The following UTS2 variants were observed in gnomAD, a reference collection of about 807,000 sequenced individuals.
UTS2 encodes the protein urotensin 2, also known as urotensin-2.
UTS2 carries 10 observed loss-of-function variants against 12.6 expected under a neutral mutation model. That is an observed-to-expected ratio of 0.80 (90% CI 0.49 to 1.35). UTS2 has a LOEUF of 1.35. Among genes scored for constraint, UTS2 ranks in the 40% most tolerant of loss-of-function variants. The probability of loss-of-function intolerance (pLI) is 0.00; values close to 1 mark genes in which losing one functional copy is unlikely to be tolerated. For synonymous variants in UTS2, 52 were observed against 50.0 expected (o/e 1.04, Z -0.17); for missense variants, 142 against 143.2 (o/e 0.99, Z 0.04).
chr1:7,849,948 A>G (rs1257477206), intron 2 of UTS2, among the ~76,000 whole-genome samples: 1 of 150,388 alleles, frequency 6.6e-6, no homozygotes, highest in Non-Finnish European at 1.5e-5. Flanking sequence ...CTATTAAACA[A>G]TACCTATCTT....
chr1:7,912,948 C>A, the UTS2 span, among the ~76,000 whole-genome samples: 1 of 151,758 alleles, frequency 6.6e-6, no homozygotes, highest in African/African-American at 2.4e-5. Flanking sequence ...CCCCTGGTTC[C>A]CCACTTCCTA....
chr1:7,899,578 C>G, the UTS2 span, among the ~76,000 whole-genome samples: 1 of 152,136 alleles, frequency 6.6e-6, no homozygotes, highest in Non-Finnish European at 1.5e-5. Context: ...GTGATCATGA[C>G]TCACTGCAGC....
At chr1:7,870,673 G>T in the UTS2 span, among the ~76,000 whole-genome samples, 1 of 152,202 alleles carries the variant, frequency 6.6e-6, no homozygotes, top group African/African-American at 2.4e-5. Flanking sequence ...AAGGCCTTTT[G>T]CTTACCAAAG....
At chr1:7,847,907 A>G (rs1389584475) in intron 3 of UTS2, 25 bp from the exon 4 acceptor site, 3 of 1,508,774 alleles carry the variant, frequency 2.0e-6, no homozygotes, top group Admixed American at 1.9e-5. Context: ...ACGAACAACA[A>G]CAACAAAAAA....
At chr1:7,908,150 T>G in the UTS2 span, among the ~76,000 whole-genome samples, 6 of 151,600 alleles carry the variant, frequency 4.0e-5, no homozygotes, top group African/African-American at 1.2e-4. Flanking sequence ...AATAGAAAAA[T>G]TAGTCAGGCA....
At chr1:7,866,476 A>C in the UTS2 span, among the ~76,000 whole-genome samples, 5 of 152,098 alleles carry the variant, frequency 3.3e-5, no homozygotes, top group South Asian at 2.1e-4. This position sits in a 1 kb window ranked among gnomAD's most constrained non-coding sequence, Gnocchi z 4.5. Context: ...GCCCTCTCAT[A>C]ATCTAATTTC....
chr1:7,897,328 A>T, the UTS2 span, among the ~76,000 whole-genome samples: 12,945 of 152,156 alleles, frequency 0.085, 1,812 homozygotes, highest in African/African-American at 0.29. Flanking sequence ...TCTGGTAGGG[A>T]AAGTCCCTGT....
the UTS2 span, among the ~76,000 whole-genome samples, chr1:7,905,828 G>A: frequency 1.3e-5 from 2 of 152,116 alleles, no homozygotes; most frequent in African/African-American, 4.8e-5. Flanking sequence ...TTGGGCTGAC[G>A]GTTTCCTAGG....
chr1:7,855,413 G>C (rs192585515), upstream of UTS2, among the ~76,000 whole-genome samples: 114 of 151,968 alleles, frequency 7.5e-4, no homozygotes, highest in African/African-American at 2.7e-3. Flanking sequence ...GTGAAACCCT[G>C]TCTCTACAGA....
chr1:7,891,289 G>A, the UTS2 span, among the ~76,000 whole-genome samples: 1 of 152,034 alleles, frequency 6.6e-6, no homozygotes, highest in Non-Finnish European at 1.5e-5. Context: ...CTTGAAAATT[G>A]CTGGGAGGGC....
Position 7,850,820 on chromosome 1 carries a change from CT to C in UTS2, c.205del (p.Arg69GlyfsTer16). 1 of 1,614,162 alleles carries C rather than the reference CT, an allele frequency of 6.2e-7. No homozygotes were observed. The highest frequency in any genetic ancestry group is 8.5e-7 in the Non-Finnish European group (1 of 1,180,018). On this transcript the variant is annotated frameshift_variant, in exon 2 of 4. Coordinates refer to ENST00000361696, the MANE Select transcript of UTS2 (RefSeq NM_006786.4). LOFTEE classifies it high-confidence loss of function. ...CATGAGAAGCATTTTACCTGCTTTC[CT>C]GAGAATATCCCCTCTTTCTGCACCC... ...MLGAERGDIL[R>X]KADSSTNIFN... is the part of the protein sequence containing the mutation.
At position 7,848,953 on chromosome 1, in the gene UTS2, T is replaced by TCTTAGAC. The variant is rs2097410916; in HGVS notation, c.258+686_258+687insGTCTAAG. On this transcript the variant is annotated intron_variant, in intron 3 of 3. Coordinates refer to ENST00000361696, the MANE Select transcript of UTS2 (RefSeq NM_006786.4). Reference sequence around the variant, plus strand: ...AAGATGCAGATTTTGCTTCCGCAGGTCCTAGGTGGGCCTAAGATCCTGCAT... The same window carrying TCTTAGAC: ...AAGATGCAGATTTTGCTTCCGCAGGTCTTAGACCCTAGGTGGGCCTAAGATCCTGCAT... Among the ~76,000 whole-genome samples, 3 of 152,172 alleles carry TCTTAGAC rather than the reference T, an allele frequency of 2.0e-5. No homozygotes were observed. The South Asian group carries it at 6.2e-4, about 32-fold the overall frequency.
At position 7,847,672 on chromosome 1, in the gene UTS2, T is replaced by G; in HGVS notation, c.*94A>C. The G allele has an allele frequency of 3.9e-6, 4 of 1,034,592 alleles. No individual in the cohort carries two copies. The highest frequency in any genetic ancestry group is 3.0e-5 in the South Asian group (2 of 67,764). The allele number at this position is 1,034,592 out of a possible 1,614,324, so 64.1% of individuals were successfully genotyped here. On this transcript the variant is annotated 3_prime_UTR_variant, in exon 4 of 4. Transcript: ENST00000361696. ...AATGAACAGGGTGTAGTTTGCCTAG[T>G]TTTTCTCCACACTGTTTTCAAATCA...
the UTS2 span, among the ~76,000 whole-genome samples, chr1:7,868,555 C>G: frequency 6.6e-6 from 1 of 152,188 alleles, no homozygotes; most frequent in African/African-American, 2.4e-5. Flanking sequence ...CCAGCAGACA[C>G]AACCACCACA....
the UTS2 span, among the ~76,000 whole-genome samples, chr1:7,878,812 G>T: frequency 6.6e-6 from 1 of 152,138 alleles, no homozygotes; most frequent in Non-Finnish European, 1.5e-5. Context: ...GACTAAAAGT[G>T]AAAGTACAAA....
At chr1:7,873,825 T>A in the UTS2 span, among the ~76,000 whole-genome samples, 1 of 152,232 alleles carries the variant, frequency 6.6e-6, no homozygotes, top group Non-Finnish European at 1.5e-5. Flanking sequence ...TTTTGAAAGT[T>A]CTGCTGTGAG....
the UTS2 span, among the ~76,000 whole-genome samples, chr1:7,859,890 T>C: frequency 6.6e-6 from 1 of 152,014 alleles, no homozygotes; most frequent in East Asian, 1.9e-4. Flanking sequence ...TCCCAGCTAC[T>C]TAGGAGGCTG....
At chr1:7,876,887 T>A in the UTS2 span, among the ~76,000 whole-genome samples, 4 of 151,964 alleles carry the variant, frequency 2.6e-5, no homozygotes, top group Non-Finnish European at 5.9e-5. Context: ...ATCCCAGCAC[T>A]TTGGGAGACC....
the UTS2 span, among the ~76,000 whole-genome samples, chr1:7,883,067 A>T: frequency 6.6e-6 from 1 of 152,216 alleles, no homozygotes; most frequent in African/African-American, 2.4e-5. Flanking sequence ...AGTACATCAA[A>T]GCTATATCTG....
Sources: allele counts gnomAD v4.1 joint callset (sites outside exome capture counted in the v4.1 genomes callset), GRCh38; gene constraint gnomAD v4.1.1; non-coding constraint Gnocchi (gnomAD v3.1); transcripts MANE v1.5; gene names NCBI Gene and HGNC (gene_info 2026-07-23, HGNC 2026-07-21).